The following AKR1D1 variants were observed in gnomAD, a reference collection of about 807,000 sequenced individuals.
AKR1D1 encodes aldo-keto reductase family 1 member D1.
Under a neutral mutation model 42.6 loss-of-function variants are expected in AKR1D1, and 32 were observed. The observed-to-expected ratio is 0.75, with a 90% CI of 0.57 to 1.01. AKR1D1 has a LOEUF of 1.01. Ranked by LOEUF, AKR1D1 falls within the 50% of genes least tolerant of loss-of-function variation. AKR1D1 has a pLI of 0.00. For synonymous variants in AKR1D1, 123 were observed against 135.5 expected, an observed-to-expected ratio of 0.91 and a Z score of 0.64; for missense variants, 364 against 402.2, an observed-to-expected ratio of 0.91 and a Z score of 0.81.
chr7:138,078,355 A>G (rs2117407781), intron 1 of AKR1D1, among the ~76,000 whole-genome samples: 1 of 152,312 alleles, frequency 6.6e-6, no homozygotes, highest in East Asian at 1.9e-4. Flanking sequence ...TGAAAGATAA[A>G]ACTCAGGTTG....
At position 138,095,993 on chromosome 7, in the gene AKR1D1, G is replaced by T. The variant is rs893314088; in HGVS notation, c.379-1873G>T. Among the ~76,000 whole-genome samples, 7 of 151,156 alleles carry T rather than the reference G, an allele frequency of 4.6e-5. No individual in the cohort carries two copies. The East Asian group carries it at 1.4e-3, about 30-fold the overall frequency. Reference sequence around the variant, plus strand: ...AGGCAGGTGGATCACTTGAGCCTAGGAGTTCGAGACCAGCCTGGACAGCAT... The same window carrying T: ...AGGCAGGTGGATCACTTGAGCCTAGTAGTTCGAGACCAGCCTGGACAGCAT... On this transcript the variant is annotated intron_variant, in intron 3 of 8. Coordinates refer to ENST00000242375, the MANE Select transcript of AKR1D1 (RefSeq NM_005989.4).
chr7:138,077,193 A>G (rs1286005776), intron 1 of AKR1D1, among the ~76,000 whole-genome samples: 1 of 152,192 alleles, frequency 6.6e-6, no homozygotes, highest in Non-Finnish European at 1.5e-5. Context: ...GCTATTAAAG[A>G]CATACCCTAG....
intron 2 of AKR1D1, among the ~76,000 whole-genome samples, chr7:138,090,105 G>T (rs537142263): frequency 1.3e-3 from 192 of 152,244 alleles, no homozygotes; most frequent in African/African-American, 4.5e-3. Flanking sequence ...ATCAGCCTAT[G>T]CCCAGGAATG....
At chr7:138,077,109 A>G (rs1802954218) in intron 1 of AKR1D1, among the ~76,000 whole-genome samples, 1 of 152,198 alleles carries the variant, frequency 6.6e-6, no homozygotes, top group African/African-American at 2.4e-5. Flanking sequence ...AATGACCAAG[A>G]TAAGGATCAA....
intron 4 of AKR1D1, among the ~76,000 whole-genome samples, chr7:138,101,446 C>T (rs1054680539): frequency 4.6e-5 from 7 of 152,058 alleles, no homozygotes; most frequent in Non-Finnish European, 8.8e-5. Context: ...GATCAACATG[C>T]CTTGGCCTTT....
chr7:138,086,570 C>G (rs544198267), intron 1 of AKR1D1, among the ~76,000 whole-genome samples: 1 of 152,234 alleles, frequency 6.6e-6, no homozygotes, highest in Admixed American at 6.5e-5. Flanking sequence ...CCAACTGTAG[C>G]AGGGGGAAAA....
intron 4 of AKR1D1, among the ~76,000 whole-genome samples, 197 bp from the exon 5 acceptor site, chr7:138,105,110 T>C (rs1282001184): frequency 2.0e-5 from 3 of 152,192 alleles, no homozygotes; most frequent in Non-Finnish European, 4.4e-5. Flanking sequence ...GGGGAAGATA[T>C]GGCATACACA....
rs759340391 is a variant in AKR1D1, at chr7:138,107,557, G to A, written c.832G>A (p.Glu278Lys). ...VVVIPKSFNL[E>K]RIKENFQIFD... ...TGTCATTCCTAAAAGCTTTAATCTT[G>A]AAAGGATCAAAGAAAATTTTCAGGT... The change falls in exon 7 of 9, where the codon GAA becomes AAA. Residue 278 changes from glutamate to lysine, a missense_variant. Glu to Lys is a moderately conservative substitution (Grantham distance 56). Transcript: ENST00000242375. The A allele has an allele frequency of 6.2e-7, 1 of 1,613,886 alleles. No homozygotes were observed. The highest frequency in any genetic ancestry group is 8.5e-7 in the Non-Finnish European group (1 of 1,179,974).
chr7:138,095,419 A>C (rs1187464171), intron 3 of AKR1D1, among the ~76,000 whole-genome samples: 1 of 152,230 alleles, frequency 6.6e-6, no homozygotes, highest in Non-Finnish European at 1.5e-5. Context: ...TTGAAAAGAC[A>C]TTGTCTTTCC....
In AKR1D1 at chr7:138,098,856, G is replaced by A. The variant is rs1210565586; in HGVS notation, c.456+913G>A. 3.3e-5 allele frequency among the ~76,000 whole-genome samples: 5 copies of A among 152,078 alleles called. No homozygotes were observed. In the South Asian group the frequency reaches 6.2e-4, roughly 19 times the overall value. ...AGATAATACAGGAGAGGATCGGTTG[G>A]TCCTTTTGCACTTCCTTCACCCCTG... On this transcript the variant is annotated intron_variant, in intron 4 of 8. Coordinates refer to ENST00000242375, the MANE Select transcript of AKR1D1 (RefSeq NM_005989.4).
chr7:138,076,532 C>A lies in AKR1D1; in HGVS notation c.14C>A (p.Ala5Asp). 6.2e-7 allele frequency: 1 copy of A among 1,613,418 alleles called. No individual in the cohort carries two copies. Among genetic ancestry groups the A allele is most frequent in the Non-Finnish European group, 8.5e-7 (1 of 1,179,598 alleles). Residue 5 changes from alanine (A) to aspartate (D), a missense_variant, in exon 1 of 9, where the codon GCT becomes GAT. Ala to Asp is a moderately radical substitution (Grantham distance 126). Coordinates refer to ENST00000242375, the MANE Select transcript of AKR1D1 (RefSeq NM_005989.4). ...AGGTTCTCCACAATGGATCTCAGTG[C>A]TGCAAGTCACCGCATACCTCTAAGT... MDLSAASHRIPLSDG... is the reference protein window; with the variant it reads MDLSDASHRIPLSDG...
intron 1 of AKR1D1, among the ~76,000 whole-genome samples, chr7:138,084,678 T>A (rs1803132084): frequency 6.6e-6 from 1 of 152,212 alleles, no homozygotes; most frequent in Non-Finnish European, 1.5e-5. Flanking sequence ...GGTATCCTAT[T>A]TGATCTTTCC....
chr7:138,109,005 T>C (rs1249859628), intron 7 of AKR1D1, among the ~76,000 whole-genome samples: 3 of 152,208 alleles, frequency 2.0e-5, no homozygotes, highest in African/African-American at 7.2e-5. Context: ...TATTTGCACA[T>C]ATATACATGG....
intron 1 of AKR1D1, among the ~76,000 whole-genome samples, chr7:138,086,890 G>A (rs1803192901): frequency 6.6e-6 from 1 of 152,192 alleles, no homozygotes; most frequent in Non-Finnish European, 1.5e-5. Flanking sequence ...TATATTTGAT[G>A]AGACTAGATG....
intron 4 of AKR1D1, among the ~76,000 whole-genome samples, chr7:138,099,473 A>T (rs1028815347): frequency 2.6e-5 from 4 of 152,210 alleles, no homozygotes; most frequent in African/African-American, 4.8e-5. Context: ...ACAACATTTT[A>T]AAAAACAAGC....
chr7:138,084,800 G>A (rs1449251724), intron 1 of AKR1D1, among the ~76,000 whole-genome samples: 1 of 151,882 alleles, frequency 6.6e-6, no homozygotes, highest in Non-Finnish European at 1.5e-5. Context: ...GCTCACGCCT[G>A]TAATCCCAAC....
intron 4 of AKR1D1, among the ~76,000 whole-genome samples, chr7:138,099,038 C>G (rs1164389032): frequency 1.3e-5 from 2 of 152,056 alleles, no homozygotes; most frequent in African/African-American, 4.8e-5. Context: ...ATTCCAAACT[C>G]CAAAAGTTTG....
chr7:138,106,502 T>C (rs1393241204), intron 5 of AKR1D1, 106 bp from the exon 6 acceptor site: 1 of 813,100 alleles, frequency 1.2e-6, no homozygotes. Context: ...ATGAAGGAGA[T>C]TCTATTAATA....
chr7:138,091,851 T>TCTTTACATCATTGAAGTA lies in AKR1D1; in HGVS notation c.347_364dup (p.Leu116_Val121dup), dbSNP rs1794087115. ...GGGTCCTCCAGCTAGATTATGTGGA[T>TCTTTACATCATTGAAGTA]CTTTACATCATTGAAGTACCCATGG... On this transcript the variant is annotated inframe_insertion, in exon 3 of 9. Coordinates refer to ENST00000242375, the MANE Select transcript of AKR1D1 (RefSeq NM_005989.4). The TCTTTACATCATTGAAGTA allele has an allele frequency of 6.2e-7, 1 of 1,613,980 alleles. No homozygotes were observed. Among genetic ancestry groups the TCTTTACATCATTGAAGTA allele is most frequent in the East Asian group, 2.2e-5 (1 of 44,856 alleles).
Sources: gnomAD v4.1 joint callset for allele counts (sites outside exome capture counted in the v4.1 genomes callset) on GRCh38, gnomAD v4.1.1 for gene constraint, MANE v1.5 for transcripts, NCBI Gene and HGNC (gene_info 2026-07-23, HGNC 2026-07-21) for gene names.